EYS: variants seen among roughly 807,000 people sequenced by gnomAD.
EYS encodes protein eyes shut homolog.
Under a neutral mutation model 282.1 loss-of-function variants are expected in EYS, and 250 were observed. The observed-to-expected ratio is 0.89, with a 90% confidence interval of 0.80 to 0.98. The LOEUF is 0.98. Ranked by LOEUF, EYS falls within the 50% of genes least tolerant of loss-of-function variation. The probability of loss-of-function intolerance (pLI) is 0.00; values close to 1 mark genes in which losing one functional copy is unlikely to be tolerated. For missense variants in EYS, 4,016 were observed against 3,709.0 expected (o/e 1.08, Z -2.15); for synonymous variants, 1,355 against 1,282.9 (o/e 1.06, Z -1.20).
chr6:64,372,750 T>C (rs1772425413), intron 29 of EYS, among the ~76,000 whole-genome samples: 1 of 152,200 alleles, frequency 6.6e-6, no homozygotes. Flanking sequence ...CTTTATTGTT[T>C]TTCCTTTATT....
intron 31 of EYS, among the ~76,000 whole-genome samples, chr6:64,149,412 A>T (rs897297219): frequency 7.9e-5 from 12 of 152,168 alleles, no homozygotes; most frequent in African/African-American, 2.7e-4. Flanking sequence ...TAATCCTGTC[A>T]TGTATTTTAT....
chr6:64,881,133 T>C (rs1766904615), intron 19 of EYS, among the ~76,000 whole-genome samples: 1 of 151,840 alleles, frequency 6.6e-6, no homozygotes, highest in Non-Finnish European at 1.5e-5. Flanking sequence ...TCATGTCTCA[T>C]GCTAGTGCAT....
At chr6:65,355,499 C>A (rs1260672708) in intron 8 of EYS, among the ~76,000 whole-genome samples, 4 of 151,990 alleles carry the variant, frequency 2.6e-5, no homozygotes, top group Non-Finnish European at 5.9e-5. Context: ...AATGCTTCTG[C>A]ACAGCAAAAG....
chr6:65,055,682 AT>A (rs895613632), intron 13 of EYS, among the ~76,000 whole-genome samples: 1 of 151,968 alleles, frequency 6.6e-6, no homozygotes, highest in Non-Finnish European at 1.5e-5. Flanking sequence ...CTAGTCAAGT[AT>A]TTTTTAGAAT....
chr6:64,263,102 CATAAG>C (rs1767642540), intron 30 of EYS, among the ~76,000 whole-genome samples: 1 of 151,970 alleles, frequency 6.6e-6, no homozygotes, highest in African/African-American at 2.4e-5. Flanking sequence ...GTGCAAATGA[CATAAG>C]ATTGTTACAA....
rs1766187697 is a variant in EYS, at chr6:65,494,890, C to T, written c.521G>A (p.Cys174Tyr). ...AAATTCTGAACTCAGAGATTCCTGG[C>T]AGAACTGCTGTTTCACTGTCACATT... ...RLNVTVKQQF[C>Y]QESLSSEFCS... is the part of the protein sequence containing the mutation. The change falls in exon 4 of 43, where the codon TGC becomes TAC. Residue 174 changes from cysteine to tyrosine, a missense_variant. Cys to Tyr is a radical substitution (Grantham distance 194, BLOSUM62 -2). Coordinates refer to ENST00000503581, the MANE Select transcript of EYS (RefSeq NM_001142800.2). 1 of 1,614,008 alleles carries T rather than the reference C, an allele frequency of 6.2e-7. No individual in the cohort carries two copies. Among genetic ancestry groups the T allele is most frequent in the Non-Finnish European group, 8.5e-7 (1 of 1,179,906 alleles).
At chr6:65,343,530 A>G (rs9354230) in intron 10 of EYS, among the ~76,000 whole-genome samples, 30,370 of 151,096 alleles carry the variant, frequency 0.2, 3,843 homozygotes, top group Non-Finnish European at 0.27. Flanking sequence ...GGATAAAAGG[A>G]GGGCCTCTCT....
chr6:63,873,824 C>T (rs1414539015), intron 35 of EYS, among the ~76,000 whole-genome samples: 1 of 152,078 alleles, frequency 6.6e-6, no homozygotes, highest in Non-Finnish European at 1.5e-5. Context: ...ATCCTTTGCT[C>T]ACTTTTTGAT....
At chr6:65,144,353 A>G (rs1181049783) in intron 12 of EYS, among the ~76,000 whole-genome samples, 1 of 152,142 alleles carries the variant, frequency 6.6e-6, no homozygotes, top group South Asian at 2.1e-4. Flanking sequence ...GTTAGAAGGT[A>G]TTCTTATTGT....
chr6:63,725,913 CTATA>C (rs1420475624), intron 42 of EYS, among the ~76,000 whole-genome samples: 3 of 151,988 alleles, frequency 2.0e-5, no homozygotes, highest in Non-Finnish European at 4.4e-5. Flanking sequence ...AGAGATGTAA[CTATA>C]TGTGCAGATG....
intron 35 of EYS, among the ~76,000 whole-genome samples, chr6:63,917,521 C>A (rs996044852): frequency 1.3e-5 from 2 of 152,130 alleles, no homozygotes; most frequent in Admixed American, 6.5e-5. Flanking sequence ...CTTGACCAAC[C>A]CCAGTTCTTA....
At chr6:64,796,958 A>C (rs893167429) in intron 22 of EYS, among the ~76,000 whole-genome samples, 2 of 152,086 alleles carry the variant, frequency 1.3e-5, no homozygotes, top group Admixed American at 6.6e-5. Flanking sequence ...TGGTGAAGGG[A>C]AACTCACATC....
chr6:63,979,659 T>A (rs1447407837), intron 35 of EYS, among the ~76,000 whole-genome samples: 1 of 151,808 alleles, frequency 6.6e-6, no homozygotes, highest in Non-Finnish European at 1.5e-5. Flanking sequence ...AAATATTATC[T>A]GTTTAATTTA....
intron 15 of EYS, among the ~76,000 whole-genome samples, chr6:64,929,488 T>C (rs570693419): frequency 6.6e-6 from 1 of 152,284 alleles, no homozygotes; most frequent in South Asian, 2.1e-4. Context: ...TACAACAAGA[T>C]ACTGTGCTTT....
intron 15 of EYS, among the ~76,000 whole-genome samples, chr6:64,924,999 C>T (rs1009734946): frequency 2.0e-5 from 3 of 152,156 alleles, no homozygotes; most frequent in Non-Finnish European, 2.9e-5. Context: ...TTCAGCAGCA[C>T]CCCATTCTAC....
chr6:65,296,085 A>T lies in EYS; in HGVS notation c.1801T>A (p.Cys601Ser). ...SCSLSYIGRL[C>S]VVNVDYCLGN... ...AAGCAATAGTCAACATTGACAACAC[A>T]CAATCTGCCAATGTAACTAAGAGAA... The change falls in exon 12 of 43, where the codon TGT becomes AGT. Residue 601 changes from cysteine to serine, a missense_variant. Physicochemically the swap from Cys to Ser is moderately radical, Grantham distance 112. Coordinates refer to ENST00000503581, the MANE Select transcript of EYS (RefSeq NM_001142800.2). 1 of 1,550,146 alleles carries T rather than the reference A, an allele frequency of 6.5e-7. No individual in the cohort carries two copies. The highest frequency in any genetic ancestry group is 8.7e-7 in the Non-Finnish European group (1 of 1,146,140).
At chr6:65,348,840 G>C (rs996657973) in intron 9 of EYS, among the ~76,000 whole-genome samples, 4 of 151,638 alleles carry the variant, frequency 2.6e-5, no homozygotes, top group Non-Finnish European at 5.9e-5. Context: ...TAGTTTCATA[G>C]TTTGAAGTCT....
At chr6:64,599,318 C>T (rs1029346640) in intron 24 of EYS, among the ~76,000 whole-genome samples, 3 of 151,996 alleles carry the variant, frequency 2.0e-5, no homozygotes, top group African/African-American at 4.8e-5. Context: ...ATTAGACTGA[C>T]CTGGAGTGGA....
chr6:63,739,637 T>G (rs1769021621), intron 41 of EYS, among the ~76,000 whole-genome samples: 1 of 152,078 alleles, frequency 6.6e-6, no homozygotes. Context: ...AACATTCACT[T>G]CAAGGAAATT....
Sources: allele counts gnomAD v4.1 joint callset (sites outside exome capture counted in the v4.1 genomes callset), GRCh38; gene constraint gnomAD v4.1.1; transcripts MANE v1.5; gene names NCBI Gene and HGNC (gene_info 2026-07-23, HGNC 2026-07-21).